FGD6: variants seen among roughly 807,000 people sequenced by gnomAD.
FGD6 encodes the protein FYVE, RhoGEF and PH domain-containing protein 6.
FGD6 carries 90 observed loss-of-function variants against 149.4 expected under a neutral mutation model. That is an observed-to-expected ratio of 0.60 (90% CI 0.51 to 0.72). FGD6 has a LOEUF of 0.72. FGD6 is among the 30% of genes least tolerant of loss of function. The pLI is 0.00. For missense variants in FGD6, 1,437 were observed against 1,684.8 expected (o/e 0.85, Z 2.57); for synonymous variants, 527 against 584.0 (o/e 0.90, Z 1.41).
At chr12:95,148,641 T>C (rs949914312) in intron 5 of FGD6, among the ~76,000 whole-genome samples, 2 of 113,970 alleles carry the variant, frequency 1.8e-5, no homozygotes, top group African/African-American at 7.1e-5. Flanking sequence ...ATATGTTATA[T>C]TATATATATT....
intron 3 of FGD6, among the ~76,000 whole-genome samples, chr12:95,153,358 T>C (rs1880365943): frequency 6.6e-6 from 1 of 152,134 alleles, no homozygotes; most frequent in Non-Finnish European, 1.5e-5. Flanking sequence ...CCTTTGGGTG[T>C]GTACAAATAA....
intron 2 of FGD6, among the ~76,000 whole-genome samples, chr12:95,198,407 C>T (rs922281154): frequency 5.3e-5 from 8 of 152,098 alleles, no homozygotes; most frequent in African/African-American, 1.9e-4. Context: ...GCTGGCATAT[C>T]GGAAATCTTG....
chr12:95,165,226 C>T (rs904248221), intron 3 of FGD6, among the ~76,000 whole-genome samples: 1 of 152,116 alleles, frequency 6.6e-6, no homozygotes, highest in Non-Finnish European at 1.5e-5. Flanking sequence ...GTTAAAAACC[C>T]CAACTTGGGG....
intron 2 of FGD6, among the ~76,000 whole-genome samples, chr12:95,180,296 A>C (rs1881245579): frequency 6.6e-6 from 1 of 152,110 alleles, no homozygotes. Context: ...CTGTCCCCGA[A>C]CACATTCAGA....
chr12:95,098,210 T>C (rs1254182782), intron 14 of FGD6, among the ~76,000 whole-genome samples: 1 of 152,186 alleles, frequency 6.6e-6, no homozygotes, highest in Non-Finnish European at 1.5e-5. Flanking sequence ...CCTCTCCCAG[T>C]GCTCCCTGTC....
chr12:95,193,875 T>C (rs1881665270), intron 2 of FGD6, among the ~76,000 whole-genome samples: 1 of 151,906 alleles, frequency 6.6e-6, no homozygotes, highest in African/African-American at 2.4e-5. Flanking sequence ...CCACATGCTA[T>C]ATGATTCTAT....
chr12:95,107,109 A>C lies in FGD6; in HGVS notation c.3334-72T>G, dbSNP rs1878653982. On this transcript the variant is annotated intron_variant, in intron 12 of 20. Coordinates refer to ENST00000343958, the MANE Select transcript of FGD6 (RefSeq NM_018351.4). ...TGCCACAAAGATTTTGACAAGATACAAGATTAAAGGATAAATAATACCTCT... is the reference window on the plus strand; with the variant it reads ...TGCCACAAAGATTTTGACAAGATACCAGATTAAAGGATAAATAATACCTCT... 2.7e-6 allele frequency: 3 copies of C among 1,097,732 alleles called. No homozygotes were observed. The South Asian group carries it at 4.0e-5, about 15-fold the overall frequency. The allele number at this position is 1,097,732 out of a possible 1,614,324, so 68.0% of individuals were successfully genotyped here.
Position 95,172,590 on chromosome 12 carries a change from C to G in FGD6, c.2586+10G>C. 1 of 1,577,336 alleles carries G rather than the reference C, an allele frequency of 6.3e-7. No homozygotes were observed. ...GAGAGGTCAAGAAGCAATTAAGTAC[C>G]AAAGTATACCTGTTTATCTTCCAGT... is the stretch of plus-strand genomic sequence containing the variant. On this transcript the variant is annotated intron_variant, in intron 3 of 20. Transcript: ENST00000343958.
rs911140532 is a variant in FGD6 at position 95,153,657 on chromosome 12, G to A, written c.2587-664C>T. ...GCCTGGGCAACAAGGGTGAAACTCT[G>A]TCTCAAAAACAAAAACAAACAAACA... On this transcript the variant is annotated intron_variant, in intron 3 of 20. Coordinates refer to ENST00000343958, the MANE Select transcript of FGD6 (RefSeq NM_018351.4). Among the ~76,000 whole-genome samples, 3 of 152,058 alleles carry A rather than the reference G, an allele frequency of 2.0e-5. No homozygotes were observed. In the South Asian group the frequency reaches 6.2e-4, roughly 32 times the overall value.
intron 2 of FGD6, among the ~76,000 whole-genome samples, chr12:95,199,804 C>T (rs909339018): frequency 6.6e-6 from 1 of 152,024 alleles, no homozygotes; most frequent in African/African-American, 2.4e-5. Context: ...GGGGTTTCAC[C>T]ACATTGGCCA....
chr12:95,123,830 G>A (rs1241202431), intron 8 of FGD6, among the ~76,000 whole-genome samples: 1 of 152,094 alleles, frequency 6.6e-6, no homozygotes, highest in African/African-American at 2.4e-5. Flanking sequence ...CCAAAGTGCT[G>A]GGATTACAGG....
intron 8 of FGD6, chr12:95,126,436 C>CA: frequency 8.9e-7 from 1 of 1,123,108 alleles, no homozygotes; most frequent in African/African-American, 1.6e-5. Flanking sequence ...AAAAAACAAA[C>CA]AAAAAACAAA....
At chr12:95,151,147 G>A (rs1880298540) in intron 5 of FGD6, among the ~76,000 whole-genome samples, 1 of 151,846 alleles carries the variant, frequency 6.6e-6, no homozygotes, top group South Asian at 2.1e-4. Context: ...TACCAATATA[G>A]CCAAAAATCA....
chr12:95,187,089 TG>T (rs1881457466), intron 2 of FGD6, among the ~76,000 whole-genome samples: 1 of 152,172 alleles, frequency 6.6e-6, no homozygotes, highest in Admixed American at 6.5e-5. Flanking sequence ...CCCAGAACTT[TG>T]GGATGCCGAG....
At chr12:95,160,636 A>G (rs970847206) in intron 3 of FGD6, among the ~76,000 whole-genome samples, 4 of 152,258 alleles carry the variant, frequency 2.6e-5, no homozygotes, top group Admixed American at 2.6e-4. Context: ...CCATGTTCCT[A>G]GAATTTGTGA....
Position 95,144,707 on chromosome 12 carries a change from G to A in FGD6, c.2686-3168C>T, listed in dbSNP as rs147221581. On this transcript the variant is annotated intron_variant, in intron 5 of 20. Coordinates refer to ENST00000343958, the MANE Select transcript of FGD6 (RefSeq NM_018351.4). ...GCGCCCAGCTTACTTTTTTTTTTGA[G>A]AAAGAGTTTTGCTCTTGTTGCCCAG... 6.3e-3 allele frequency among the ~76,000 whole-genome samples: 918 copies of A among 146,704 alleles called. 14 individuals carry two copies. The highest frequency in any genetic ancestry group is 0.022 in the African/African-American group (869 of 39,660).
At chr12:95,159,210 T>C (rs931056880) in intron 3 of FGD6, among the ~76,000 whole-genome samples, 6 of 152,222 alleles carry the variant, frequency 3.9e-5, no homozygotes, top group African/African-American at 1.2e-4. Flanking sequence ...AACTTTTTTT[T>C]CTCTCCTTCT....
At chr12:95,216,996 C>T (rs944381624) in intron 1 of FGD6, among the ~76,000 whole-genome samples, 4 of 152,224 alleles carry the variant, frequency 2.6e-5, no homozygotes, top group Middle Eastern at 3.2e-3. Flanking sequence ...AGCACAGTCC[C>T]CCTTGGAAGG....
At chr12:95,196,056 G>C (rs1165142654) in intron 2 of FGD6, among the ~76,000 whole-genome samples, 1 of 152,106 alleles carries the variant, frequency 6.6e-6, no homozygotes, top group Non-Finnish European at 1.5e-5. Flanking sequence ...GGAGGCGGAG[G>C]TTGCAGCGAG....
Sources: allele counts gnomAD v4.1 joint callset (sites outside exome capture counted in the v4.1 genomes callset), GRCh38; gene constraint gnomAD v4.1.1; transcripts MANE v1.5; gene names NCBI Gene and HGNC (gene_info 2026-07-23, HGNC 2026-07-21).